FUNDC1: variants seen among roughly 807,000 people sequenced by gnomAD.
FUNDC1 encodes the protein FUN14 domain containing 1.
In FUNDC1, 10 loss-of-function variants were observed where a neutral mutation model predicts 14.5. The observed-to-expected ratio is 0.69, with a 90% CI of 0.43 to 1.17. FUNDC1 has a LOEUF of 1.17. Ranked by LOEUF, FUNDC1 falls within the 50% of genes most tolerant of loss-of-function variation. The pLI, the probability that FUNDC1 is intolerant of heterozygous loss-of-function variation, is 0.00. For synonymous variants in FUNDC1, 33 were observed against 39.7 expected (o/e 0.83, Z 0.64); for missense variants, 115 against 113.8 (o/e 1.01, Z -0.05).
rs143635890 is a variant in FUNDC1, at chrX:44,527,024, G to A, written c.390+213C>T. On this transcript the variant is annotated intron_variant, in intron 4 of 4. Transcript: ENST00000378045. Reference sequence around the variant, plus strand: ...ATCAAAGTGAGCTAGAGATATGCAGGGGAATCTATGATAACCACCAAAAAA... The same window carrying A: ...ATCAAAGTGAGCTAGAGATATGCAGAGGAATCTATGATAACCACCAAAAAA... 6.9e-3 allele frequency among the ~76,000 whole-genome samples: 712 copies of A among 103,916 alleles called. 9 individuals carry two copies. Among genetic ancestry groups the A allele is most frequent in the African/African-American group, 0.024 (682 of 27,943 alleles). 90.2% of individuals were successfully genotyped at this position (103,916 alleles called of 115,157 possible).
At chrX:44,527,497 A>C in intron 3 of FUNDC1, 132 bp from the exon 4 acceptor site, 1 of 415,146 alleles carries the variant, frequency 2.4e-6, no homozygotes, top group Non-Finnish European at 3.8e-6. Flanking sequence ...CTTTTTCTCC[A>C]CTAGTTTATT....
intron 4 of FUNDC1, among the ~76,000 whole-genome samples, chrX:44,525,092 T>C (rs1043314043): frequency 4.5e-5 from 5 of 111,665 alleles, no homozygotes; most frequent in Admixed American, 2.9e-4. Flanking sequence ...ATATTCTGCC[T>C]AGAGGTGTCA....
rs199944865 is a variant in FUNDC1 at position 44,534,065 on chromosome X, C to CA, written c.261+4401dup. Among the ~76,000 whole-genome samples, 869 of 88,689 alleles carry CA rather than the reference C, an allele frequency of 9.8e-3. 9 individuals carry two copies. The highest frequency in any genetic ancestry group is 0.027 in the African/African-American group (658 of 23,945). 77.0% of individuals were successfully genotyped at this position (88,689 alleles called of 115,157 possible). On this transcript the variant is annotated intron_variant, in intron 3 of 4. Coordinates refer to ENST00000378045, the MANE Select transcript of FUNDC1 (RefSeq NM_173794.4). The stretch of plus-strand genomic sequence containing the variant: ...AGGTGAACAGAGTGAGACTCTGTCT[C>CA]AAAAAAAAAACAAAAAACAAAAACA...
At chrX:44,532,677 C>T (rs951173708) in intron 3 of FUNDC1, among the ~76,000 whole-genome samples, 26 of 108,475 alleles carry the variant, frequency 2.4e-4, no homozygotes, top group Admixed American at 9.0e-4. Context: ...CTCAGCCTCC[C>T]GAGTAGCTGG....
rs189499062 is a variant in FUNDC1 at position 44,541,964 on chromosome X, T to C, written c.166A>G (p.Met56Val). The C allele has an allele frequency of 1.0e-4, 124 of 1,203,702 alleles. 1 individual carries two copies. The Admixed American group carries it at 2.3e-3, about 22-fold the overall frequency. ...TCTCACCAGCCAGTAACGCCACCCATTACAATCTGGGTAGCTACTGAGTAT... is the reference window on the plus strand; with the variant it reads ...TCTCACCAGCCAGTAACGCCACCCACTACAATCTGGGTAGCTACTGAGTAT... The part of the protein sequence containing the change: ...EKYSVATQIV[M>V]GGVTGWCAGF... Residue 56 changes from methionine to valine, a missense_variant, in exon 2 of 5, where the codon ATG becomes GTG. Physicochemically the swap from Met to Val is conservative, Grantham distance 21 (BLOSUM62 1). Transcript: ENST00000378045.
Position 44,532,862 on chromosome X carries a change from T to C in FUNDC1, c.262-5497A>G, listed in dbSNP as rs756304699. Among the ~76,000 whole-genome samples, 4 of 112,031 alleles carry C rather than the reference T, an allele frequency of 3.6e-5. No individual in the cohort carries two copies. The South Asian group carries it at 1.5e-3, about 41-fold the overall frequency. ...CCACCATGCCTGGCCTAAATATGTATATTTTTGCTTTGTCTTAGACAAGTG... is the reference window on the plus strand; with the variant it reads ...CCACCATGCCTGGCCTAAATATGTACATTTTTGCTTTGTCTTAGACAAGTG... On this transcript the variant is annotated intron_variant, in intron 3 of 4. Coordinates refer to ENST00000378045, the MANE Select transcript of FUNDC1 (RefSeq NM_173794.4).
intron 2 of FUNDC1, among the ~76,000 whole-genome samples, chrX:44,540,987 A>G (rs189725490): frequency 8.9e-6 from 1 of 111,860 alleles, no homozygotes; most frequent in African/African-American, 3.2e-5. Flanking sequence ...CTTCTATCAT[A>G]AAATGGCATT....
chrX:44,531,228 G>C (rs1375488932), intron 3 of FUNDC1, among the ~76,000 whole-genome samples: 1 of 94,474 alleles, frequency 1.1e-5, no homozygotes, highest in Non-Finnish European at 2.0e-5. Context: ...GGGCCAGAGA[G>C]TGAGACTGTT....
intron 1 of FUNDC1, chrX:44,542,384 AC>A: frequency 2.7e-6 from 1 of 372,618 alleles, no homozygotes; most frequent in Non-Finnish European, 4.6e-6. Flanking sequence ...GTGAGGGGTC[AC>A]CCCCACCTCC....
chrX:44,541,882 G>A, intron 2 of FUNDC1, 63 bp downstream of exon 2: 1 of 1,034,266 alleles, frequency 9.7e-7, no homozygotes. Context: ...TCTTGCCCAT[G>A]TATGAAAGGA....
intron 4 of FUNDC1, among the ~76,000 whole-genome samples, chrX:44,525,505 G>GA (rs1279681524): frequency 3.9e-4 from 41 of 105,995 alleles, no homozygotes; most frequent in African/African-American, 8.6e-4. Flanking sequence ...TCTTAATTGG[G>GA]AAAAAAAAAG....
chrX:44,536,752 TGA>T (rs1405376091), intron 3 of FUNDC1, among the ~76,000 whole-genome samples: 1 of 111,338 alleles, frequency 9.0e-6, no homozygotes, highest in Non-Finnish European at 1.9e-5. Context: ...ATGGGGGTAG[TGA>T]GAGAGGTGGA....
intron 3 of FUNDC1, among the ~76,000 whole-genome samples, chrX:44,534,617 A>C (rs187444397): frequency 1.7e-4 from 19 of 110,157 alleles, no homozygotes; most frequent in African/African-American, 4.6e-4. Context: ...AAAAAAAAAA[A>C]CCCACACATG....
At chrX:44,533,564 C>T (rs767517116) in intron 3 of FUNDC1, among the ~76,000 whole-genome samples, 2 of 91,271 alleles carry the variant, frequency 2.2e-5, no homozygotes, top group Admixed American at 2.6e-4. Context: ...GGAGGCAGAG[C>T]TTGCAGTGAG....
chrX:44,538,057 C>CTGCAACCTCCGCT (rs1289939729), intron 3 of FUNDC1, among the ~76,000 whole-genome samples: 2 of 112,596 alleles, frequency 1.8e-5, no homozygotes, highest in Non-Finnish European at 3.7e-5. Flanking sequence ...TCTCGGCTCA[C>CTGCAACCTCCGCT]TGCAACCTCC....
rs895951726 is a variant in FUNDC1, at chrX:44,523,897, T to A, written c.*301A>T. On this transcript the variant is annotated 3_prime_UTR_variant, in exon 5 of 5. Coordinates refer to ENST00000378045, the MANE Select transcript of FUNDC1 (RefSeq NM_173794.4). The stretch of plus-strand genomic sequence containing the variant: ...CCAACATATTTCTTTTCTCTCCATA[T>A]CTACATCCAATGGTGATATTTTATA... 9.1e-6 allele frequency: 2 copies of A among 220,970 alleles called. No homozygotes were observed. 18.2% of individuals were successfully genotyped at this position (220,970 alleles called of 1,213,427 possible). A position where few individuals can be genotyped will look rare whatever the true frequency, so the allele number is the denominator to read the frequency against.
At chrX:44,537,194 G>A (rs1183341844) in intron 3 of FUNDC1, among the ~76,000 whole-genome samples, 1 of 111,924 alleles carries the variant, frequency 8.9e-6, no homozygotes, top group Non-Finnish European at 1.9e-5. Context: ...ATGACAAAAT[G>A]TGGATTTGAA....
chrX:44,534,108 A>G (rs2038938126), intron 3 of FUNDC1, among the ~76,000 whole-genome samples: 1 of 109,901 alleles, frequency 9.1e-6, no homozygotes, highest in African/African-American at 3.3e-5. Flanking sequence ...AAACTTGTTG[A>G]AGTTGAAGAA....
chrX:44,533,725 T>G (rs1408951636), intron 3 of FUNDC1, among the ~76,000 whole-genome samples: 2 of 108,384 alleles, frequency 1.8e-5, no homozygotes, highest in African/African-American at 6.7e-5. Flanking sequence ...TACTGCTCAC[T>G]GCATCCATGA....
Sources: allele counts gnomAD v4.1 joint callset (sites outside exome capture counted in the v4.1 genomes callset), GRCh38; gene constraint gnomAD v4.1.1; transcripts MANE v1.5; gene names NCBI Gene and HGNC (gene_info 2026-07-23, HGNC 2026-07-21).